Variants in MAP3K5 observed in about 807,000 individuals in gnomAD.
MAP3K5 encodes ASK-1.
MAP3K5 carries 56 observed loss-of-function variants against 158.7 expected under a neutral mutation model. That is an observed-to-expected ratio of 0.35 (90% CI 0.28 to 0.44). The LOEUF (loss-of-function observed/expected upper bound fraction) is 0.44. MAP3K5 is among the 20% of genes least tolerant of loss of function. The pLI is 1.00. For synonymous variants in MAP3K5, 579 were observed against 601.7 expected (o/e 0.96, Z 0.55); for missense variants, 1,294 against 1,674.8 (o/e 0.77, Z 3.97).
At chr6:136,582,372 C>A (rs1015482849) in intron 24 of MAP3K5, among the ~76,000 whole-genome samples, 1 of 151,970 alleles carries the variant, frequency 6.6e-6, no homozygotes, top group African/African-American at 2.4e-5. Context: ...CTACAGCAAA[C>A]TTGCTTTCCA....
At chr6:136,691,725 T>C (rs1315716056) in intron 7 of MAP3K5, among the ~76,000 whole-genome samples, 1 of 152,252 alleles carries the variant, frequency 6.6e-6, no homozygotes, top group Non-Finnish European at 1.5e-5. Context: ...TAATCTGTTT[T>C]GAAGTTTATT....
chr6:136,593,665 C>A (rs752647873), intron 21 of MAP3K5: 6 of 394,668 alleles, frequency 1.5e-5, no homozygotes, highest in South Asian at 1.1e-4. Flanking sequence ...AAACGGGTAT[C>A]TGAATCACAA....
chr6:136,605,159 C>G (rs1259398373), intron 19 of MAP3K5, 50 bp downstream of exon 19: 1 of 1,574,642 alleles, frequency 6.4e-7, no homozygotes, highest in Non-Finnish European at 8.7e-7. Flanking sequence ...GAACATCCAA[C>G]AGCTATAAAA....
chr6:136,671,316 A>G (rs1779474249), intron 7 of MAP3K5, among the ~76,000 whole-genome samples: 1 of 152,188 alleles, frequency 6.6e-6, no homozygotes, highest in South Asian at 2.1e-4. Flanking sequence ...TTCTGTTACC[A>G]CAAACAATAT....
intron 1 of MAP3K5, 93 bp downstream of exon 1, chr6:136,791,617 T>C (rs2115083129): frequency 7.2e-7 from 1 of 1,397,358 alleles, no homozygotes; most frequent in East Asian, 2.3e-5. Context: ...AAGAAGTAAA[T>C]GCTTCCCGCC....
intron 28 of MAP3K5, among the ~76,000 whole-genome samples, chr6:136,560,939 C>G (rs1830480876): frequency 1.5e-5 from 2 of 132,724 alleles, no homozygotes; most frequent in Non-Finnish European, 3.0e-5. Flanking sequence ...GAGACCTTGT[C>G]TCCAAAAAAA....
rs537479694 is a variant in MAP3K5 at position 136,645,589 on chromosome 6, T to C, written c.1789-3020A>G. Among the ~76,000 whole-genome samples, 14 of 152,376 alleles carry C rather than the reference T, an allele frequency of 9.2e-5. No individual in the cohort carries two copies. In the South Asian group the frequency reaches 2.7e-3, roughly 29 times the overall value. ...TCTCTTCCTCAATCTTAAGTTTTTC[T>C]TTCATTGTACACATGCAGACTTTCT... On this transcript the variant is annotated intron_variant, in intron 11 of 29. Coordinates refer to ENST00000359015, the MANE Select transcript of MAP3K5 (RefSeq NM_005923.4).
At chr6:136,697,876 C>G (rs1209675578) in intron 4 of MAP3K5, among the ~76,000 whole-genome samples, 2 of 152,104 alleles carry the variant, frequency 1.3e-5, no homozygotes, top group Non-Finnish European at 2.9e-5. Context: ...TTGTGAGTAG[C>G]TGGGATTACA....
At chr6:136,615,349 G>A (rs1410325626) in intron 15 of MAP3K5, among the ~76,000 whole-genome samples, 2 of 152,218 alleles carry the variant, frequency 1.3e-5, no homozygotes, top group Non-Finnish European at 2.9e-5. Context: ...GGTTAGTTCA[G>A]GTTACTTCCC....
At chr6:136,586,314 CAATAGCAAACTTCA>C (rs1775138921) in intron 23 of MAP3K5, among the ~76,000 whole-genome samples, 1 of 152,174 alleles carries the variant, frequency 6.6e-6, no homozygotes, top group Admixed American at 6.5e-5. Flanking sequence ...ACATGTTTGC[CAATAGCAAACTTCA>C]AATGGCAAAC....
intron 1 of MAP3K5, among the ~76,000 whole-genome samples, chr6:136,764,805 G>C (rs973045775): frequency 6.6e-6 from 1 of 152,100 alleles, no homozygotes; most frequent in African/African-American, 2.4e-5. Flanking sequence ...TAAGACATCA[G>C]CTTTCTCATG....
chr6:136,665,871 T>C (rs192048896), intron 8 of MAP3K5, among the ~76,000 whole-genome samples: 1 of 152,326 alleles, frequency 6.6e-6, no homozygotes, highest in Non-Finnish European at 1.5e-5. Context: ...ATATATTTTC[T>C]ATTCAATATT....
rs549691814 is a variant in MAP3K5, at chr6:136,792,055, C to G, written c.103G>C (p.Ala35Pro). The change falls in exon 1 of 30, where the codon GCG becomes CCG. Residue 35 changes from alanine (A) to proline (P), a missense_variant. Around this residue, in one of 5 missense-constraint regions of MAP3K5, gnomAD observed 690 missense variants for 870.5 expected, o/e 0.79. Coordinates refer to ENST00000359015, the MANE Select transcript of MAP3K5 (RefSeq NM_005923.4). The surrounding 1 kb of genome is among the most constrained non-coding windows in gnomAD (Gnocchi z 5.7). ...TCCTCGCCCTCGCCCACCGCCGCCG[C>G]TCCTCCCCTCCTGCAGATGCCGCCC... ...PEGGICRRGG[A>P]AAVGEGEEHQ... is the part of the protein sequence containing the mutation. The G allele has an allele frequency of 3.2e-5, 50 of 1,552,510 alleles. No homozygotes were observed. The East Asian group carries it at 1.1e-3, about 33-fold the overall frequency.
At chr6:136,588,503 T>C (rs1362895300) in intron 23 of MAP3K5, among the ~76,000 whole-genome samples, 1 of 152,232 alleles carries the variant, frequency 6.6e-6, no homozygotes, top group Non-Finnish European at 1.5e-5. Flanking sequence ...ATGTTTTATA[T>C]ATATGTATAG....
At chr6:136,616,797 C>T (rs1198200194) in intron 15 of MAP3K5, among the ~76,000 whole-genome samples, 2 of 151,994 alleles carry the variant, frequency 1.3e-5, no homozygotes, top group Non-Finnish European at 2.9e-5. Flanking sequence ...GGCACGATTA[C>T]AGCTCACTGC....
chr6:136,735,902 A>C (rs1235988781), intron 1 of MAP3K5, among the ~76,000 whole-genome samples: 1 of 152,222 alleles, frequency 6.6e-6, no homozygotes, highest in Non-Finnish European at 1.5e-5. Flanking sequence ...GTCTGGCACC[A>C]CATGATGTAT....
chr6:136,717,012 G>T (rs1781559323), intron 2 of MAP3K5, among the ~76,000 whole-genome samples: 1 of 151,722 alleles, frequency 6.6e-6, no homozygotes, highest in African/African-American at 2.4e-5. Flanking sequence ...ATAAAAATTA[G>T]CCAGGCATGG....
Position 136,694,186 on chromosome 6 carries a change from C to T in MAP3K5, c.1207G>A (p.Asp403Asn). The T allele has an allele frequency of 6.2e-7, 1 of 1,613,724 alleles. No homozygotes were observed. ...CTTTCAGTGTCCGTGAAATTAGAGT[C>T]CAAAAACATATCTTTGTAGATTCGA... is the stretch of plus-strand genomic sequence containing the variant. ...VGRIYKDMFL[D>N]SNFTDTESRD... is the part of the protein sequence containing the mutation. Residue 403 changes from aspartate to asparagine, a missense_variant, in exon 7 of 30, where the codon GAC becomes AAC. Coordinates refer to ENST00000359015, the MANE Select transcript of MAP3K5 (RefSeq NM_005923.4).
chr6:136,698,666 T>G lies in MAP3K5; in HGVS notation c.629A>C (p.Tyr210Ser). ...AGTTATCATGTAAGGAACAAAGGTG[T>G]AGTTCCCAGTGCACATCTGCGGAGA... ...CQKNTMCTGN[Y>S]TFVPYMITPH... is the part of the protein sequence containing the mutation. The change falls in exon 4 of 30, where the codon TAC becomes TCC. Residue 210 changes from tyrosine to serine, a missense_variant. Tyr to Ser is a moderately radical substitution (Grantham distance 144). Around this residue, in one of 5 missense-constraint regions of MAP3K5, gnomAD observed 690 missense variants for 870.5 expected, o/e 0.79. Coordinates refer to ENST00000359015, the MANE Select transcript of MAP3K5 (RefSeq NM_005923.4). 1 of 1,613,530 alleles carries G rather than the reference T, an allele frequency of 6.2e-7. No homozygotes were observed. Among genetic ancestry groups the G allele is most frequent in the Non-Finnish European group, 8.5e-7 (1 of 1,179,608 alleles).
Sources: allele counts gnomAD v4.1 joint callset (sites outside exome capture counted in the v4.1 genomes callset), GRCh38; gene constraint gnomAD v4.1.1; regional missense constraint gnomAD v4.1.1; non-coding constraint Gnocchi (gnomAD v3.1); transcripts MANE v1.5; gene names NCBI Gene and HGNC (gene_info 2026-07-23, HGNC 2026-07-21).